The following SRPK1 variants were observed in gnomAD, a reference collection of about 807,000 sequenced individuals.
SRPK1 encodes the protein SRSF protein kinase 1.
SRPK1 carries 52 observed loss-of-function variants against 89.5 expected under a neutral mutation model. The ratio of observed to expected loss-of-function variants is 0.58; its 90% confidence interval spans 0.46 to 0.73. The LOEUF is 0.73. Among genes scored for constraint, SRPK1 ranks in the 30% least tolerant of loss-of-function variants. The pLI, the probability that SRPK1 is intolerant of heterozygous loss-of-function variation, is 0.00. For missense variants in SRPK1, 603 were observed against 780.6 expected, an observed-to-expected ratio of 0.77 and a Z score of 2.71; for synonymous variants, 255 against 270.2, an observed-to-expected ratio of 0.94 and a Z score of 0.55.
At position 35,915,356 on chromosome 6, in the gene SRPK1, G is replaced by A. The variant is rs187059997; in HGVS notation, c.74+5112C>T. On this transcript the variant is annotated intron_variant, in intron 2 of 15. Transcript: ENST00000373825. ...CGGGAGGGGGAGCTTGCAGTGAGCC[G>A]AGATCACGCCACTGCACTCCAGCCT... Among the ~76,000 whole-genome samples the A allele has an allele frequency of 1.6e-3, 218 of 139,542 alleles. 3 individuals carry two copies. Among genetic ancestry groups the A allele is most frequent in the African/African-American group, 5.3e-3 (200 of 37,662 alleles). The allele number at this position is 139,542 out of a possible 152,430, so 91.5% of individuals were successfully genotyped here. A position where few individuals can be genotyped will look rare whatever the true frequency, so the allele number is the denominator to read the frequency against.
intron 13 of SRPK1, among the ~76,000 whole-genome samples, chr6:35,847,679 A>G (rs1769454962): frequency 6.6e-6 from 1 of 152,066 alleles, no homozygotes; most frequent in African/African-American, 2.4e-5. Context: ...CCCATTTACA[A>G]TAGCTACAAA....
Position 35,837,075 on chromosome 6 carries a change from G to A in SRPK1, c.1783+1262C>T, listed in dbSNP as rs765028219. Among the ~76,000 whole-genome samples, 26 of 152,164 alleles carry A rather than the reference G, an allele frequency of 1.7e-4. 1 individual carries two copies. The highest frequency in any genetic ancestry group is 1.3e-4 in the Non-Finnish European group (9 of 68,030). ...GGTAGAAAAACCAGACCATTTCCTA[G>A]ATGCTTCTAGGTCAGGTTTTCACAT... On this transcript the variant is annotated intron_variant, in intron 15 of 15. Transcript: ENST00000373825.
intron 2 of SRPK1, among the ~76,000 whole-genome samples, chr6:35,904,142 G>C (rs972887904): frequency 2.0e-5 from 3 of 152,006 alleles, no homozygotes; most frequent in African/African-American, 7.2e-5. Context: ...ACTGATTTTT[G>C]TGTTTAGTGG....
chr6:35,897,724 C>G (rs1431107998), intron 2 of SRPK1, among the ~76,000 whole-genome samples: 2 of 152,122 alleles, frequency 1.3e-5, no homozygotes, highest in Non-Finnish European at 2.9e-5. Context: ...GTTACCCAGA[C>G]AAGTCTCAAA....
intron 2 of SRPK1, among the ~76,000 whole-genome samples, chr6:35,896,937 T>C (rs1426527510): frequency 2.0e-5 from 3 of 152,214 alleles, no homozygotes; most frequent in African/African-American, 4.8e-5. Flanking sequence ...GAAAACATTA[T>C]ACTAAGAGAA....
At chr6:35,895,774 T>G (rs1770615282) in intron 2 of SRPK1, 1 of 152,196 alleles carries the variant, frequency 6.6e-6, no homozygotes, top group Non-Finnish European at 1.5e-5. Context: ...GTTTCCATAC[T>G]CAGTCTATTA....
chr6:35,886,590 G>C (rs1423861837), intron 6 of SRPK1, 134 bp downstream of exon 6: 1 of 670,590 alleles, frequency 1.5e-6, no homozygotes, highest in East Asian at 2.8e-5. Flanking sequence ...TGTGTGTTCA[G>C]AAGTGTACAA....
At chr6:35,864,931 C>T (rs1769861666) in intron 12 of SRPK1, among the ~76,000 whole-genome samples, 1 of 152,014 alleles carries the variant, frequency 6.6e-6, no homozygotes, top group Non-Finnish European at 1.5e-5. Context: ...ATAAGCCAGG[C>T]ACAGAAAGAC....
At chr6:35,902,224 C>T (rs1478294173) in intron 2 of SRPK1, among the ~76,000 whole-genome samples, 7 of 134,832 alleles carry the variant, frequency 5.2e-5, no homozygotes, top group Middle Eastern at 4.0e-3. Context: ...GGCGAGACTC[C>T]GTCTCTACAA....
At chr6:35,840,701 G>C (rs1337034644) in intron 14 of SRPK1, among the ~76,000 whole-genome samples, 1 of 152,146 alleles carries the variant, frequency 6.6e-6, no homozygotes, top group Non-Finnish European at 1.5e-5. Context: ...CCAGAGTAGA[G>C]GACATGGTAC....
At chr6:35,886,646 G>A (rs1770414854) in intron 6 of SRPK1, 78 bp downstream of exon 6, 2 of 830,980 alleles carry the variant, frequency 2.4e-6, no homozygotes, top group Middle Eastern at 2.7e-4. Flanking sequence ...AAGACACCAA[G>A]GCCATCTACA....
chr6:35,870,133 ACCTG>A, intron 10 of SRPK1, 144 bp downstream of exon 10: 1 of 844,910 alleles, frequency 1.2e-6, no homozygotes, highest in Non-Finnish European at 1.8e-6. Context: ...TTTAAATATT[ACCTG>A]CCTAACATTT....
At chr6:35,846,600 AAGAGG>A (rs932814522) in intron 13 of SRPK1, among the ~76,000 whole-genome samples, 7 of 152,028 alleles carry the variant, frequency 4.6e-5, no homozygotes, top group Non-Finnish European at 7.4e-5. Context: ...GAAGAAATGA[AAGAGG>A]AGACATTATA....
chr6:35,888,987 A>AT, intron 3 of SRPK1, 64 bp from the exon 4 acceptor site: 3 of 1,071,864 alleles, frequency 2.8e-6, no homozygotes, highest in Non-Finnish European at 4.3e-6. Flanking sequence ...AAGAAAAGGC[A>AT]TTTTTAACAT....
chr6:35,860,964 T>C (rs942860376), intron 12 of SRPK1, among the ~76,000 whole-genome samples: 1 of 152,106 alleles, frequency 6.6e-6, no homozygotes, highest in Non-Finnish European at 1.5e-5. Flanking sequence ...AAGCTCTCTT[T>C]GCTTGGTGGT....
intron 3 of SRPK1, 125 bp downstream of exon 3, chr6:35,890,770 G>A (rs1417055288): frequency 3.7e-5 from 28 of 761,538 alleles, no homozygotes; most frequent in Non-Finnish European, 4.5e-5. Flanking sequence ...TATTTCCTAT[G>A]TTTTAGAGAA....
intron 2 of SRPK1, among the ~76,000 whole-genome samples, chr6:35,910,957 C>T (rs1156425685): frequency 6.6e-6 from 1 of 152,218 alleles, no homozygotes; most frequent in Non-Finnish European, 1.5e-5. Flanking sequence ...TGTACCTAGT[C>T]ACCCAAGAGC....
intron 13 of SRPK1, among the ~76,000 whole-genome samples, chr6:35,846,556 C>CAAA (rs35150778): frequency 8.6e-6 from 1 of 116,500 alleles, no homozygotes; most frequent in African/African-American, 3.2e-5. Flanking sequence ...ACTGTGTCTC[C>CAAA]AAAAAAAAAA....
At chr6:35,917,959 CTA>C (rs1771148468) in intron 2 of SRPK1, among the ~76,000 whole-genome samples, 1 of 152,200 alleles carries the variant, frequency 6.6e-6, no homozygotes. Flanking sequence ...AGACCAAACT[CTA>C]TGGCATGCTT....
Sources: gnomAD v4.1 joint callset for allele counts (sites outside exome capture counted in the v4.1 genomes callset) on GRCh38, gnomAD v4.1.1 for gene constraint, MANE v1.5 for transcripts, NCBI Gene and HGNC (gene_info 2026-07-23, HGNC 2026-07-21) for gene names.